The following PLCG2 variants were observed in gnomAD, a reference collection of about 807,000 sequenced individuals.
PLCG2 encodes 1-phosphatidylinositol 4,5-bisphosphate phosphodiesterase gamma-2.
A neutral mutation model predicts 175.6 loss-of-function variants in PLCG2; 69 were observed. That is an observed-to-expected ratio of 0.39 (90% CI 0.32 to 0.48). The LOEUF (loss-of-function observed/expected upper bound fraction) is 0.48, where lower values mean the gene tolerates loss of function less well. Ranked by LOEUF, PLCG2 falls within the 20% of genes least tolerant of loss-of-function variation. The probability of loss-of-function intolerance (pLI) is 0.91; values close to 1 mark genes in which losing one functional copy is unlikely to be tolerated. For synonymous variants in PLCG2, 827 were observed against 624.0 expected (o/e 1.33, Z -4.85); for missense variants, 1,798 against 1,650.9 (o/e 1.09, Z -1.54).
In PLCG2 at chr16:81,908,595, A is replaced by G. The variant is rs1352939744; in HGVS notation, c.1733+4A>G. The G allele has an allele frequency of 5.6e-6, 9 of 1,604,774 alleles. No individual in the cohort carries two copies. Among genetic ancestry groups the G allele is most frequent in the Non-Finnish European group, 7.7e-6 (9 of 1,175,732 alleles). ...ATGACTACACCCTGTCCTTCTGGTA[A>G]TGCCCCCGACCCAGGGAACGCCTAC... On this transcript the variant is annotated splice_donor_region_variant and intron_variant, in intron 17 of 32. Transcript: ENST00000564138.
At chr16:81,938,743 G>A (rs1397271191) in intron 28 of PLCG2, 58 bp from the exon 29 acceptor site, 11 of 1,015,892 alleles carry the variant, frequency 1.1e-5, no homozygotes, top group African/African-American at 4.8e-5. Context: ...TGCAATCCAC[G>A]CTAGGCTGCC....
chr16:81,908,460 C>T lies in PLCG2; in HGVS notation c.1602C>T (p.His534=). Residue 534 remains histidine (H), a synonymous_variant, in exon 17 of 33, where the codon CAC becomes CAT. Coordinates refer to ENST00000564138, the MANE Select transcript of PLCG2 (RefSeq NM_002661.5). ...TACATTTTGGGGAGAAATGGTTCCA[C>T]AAGAAGGTGGAGAAGAGGACGAGTG... ...TELHFGEKWF[H]KKVEKRTSAE... 6.2e-7 allele frequency: 1 copy of T among 1,614,126 alleles called. No homozygotes were observed. The highest frequency in any genetic ancestry group is 1.7e-5 in the Admixed American group (1 of 60,014).
chr16:81,804,346 AT>A (rs1911895538), intron 2 of PLCG2, among the ~76,000 whole-genome samples: 1 of 152,162 alleles, frequency 6.6e-6, no homozygotes, highest in Admixed American at 6.5e-5. Flanking sequence ...CCTTCTAAAC[AT>A]TGGCTTTCTG....
intron 14 of PLCG2, 74 bp downstream of exon 14, chr16:81,900,854 C>G: frequency 1.0e-5 from 14 of 1,399,356 alleles, no homozygotes; most frequent in Non-Finnish European, 1.4e-5. Context: ...GGGTCCCGTT[C>G]ACCAAGTTCT....
At chr16:81,892,365 C>T (rs12598613) in intron 11 of PLCG2, among the ~76,000 whole-genome samples, 26,474 of 152,090 alleles carry the variant, frequency 0.17, 2,397 homozygotes, top group South Asian at 0.26. Context: ...CAGGATGTTG[C>T]GCTGATGTTC....
intron 17 of PLCG2, among the ~76,000 whole-genome samples, chr16:81,909,480 C>T (rs995811035): frequency 6.6e-6 from 1 of 152,184 alleles, no homozygotes; most frequent in African/African-American, 2.4e-5. Flanking sequence ...TACAATGGAG[C>T]AGTCTCAGTC....
In PLCG2 at chr16:81,933,747, C is replaced by G. The variant is rs182573549; in HGVS notation, c.2740-682C>G. ...CCCCCCAAACAGTCACCATTATTAT[C>G]TAAATATTCTCTCAAGGTCCCCCCT... On this transcript the variant is annotated intron_variant, in intron 25 of 32. Coordinates refer to ENST00000564138, the MANE Select transcript of PLCG2 (RefSeq NM_002661.5). Among the ~76,000 whole-genome samples the G allele has an allele frequency of 1.3e-3, 203 of 152,318 alleles. 1 individual carries two copies. The highest frequency in any genetic ancestry group is 1.7e-3 in the African/African-American group (70 of 41,580).
intron 2 of PLCG2, among the ~76,000 whole-genome samples, chr16:81,834,051 C>A (rs970318769): frequency 6.6e-6 from 1 of 152,178 alleles, no homozygotes; most frequent in Non-Finnish European, 1.5e-5. Context: ...GGTAACTGGA[C>A]TTACCTTGTC....
chr16:81,935,378 C>T (rs146612110), intron 26 of PLCG2, among the ~76,000 whole-genome samples: 2 of 152,098 alleles, frequency 1.3e-5, no homozygotes, highest in East Asian at 3.9e-4. Flanking sequence ...TATAAAGTGA[C>T]ATGCACAGGC....
At chr16:81,928,317 G>C (rs1014654662) in intron 23 of PLCG2, among the ~76,000 whole-genome samples, 27 of 152,202 alleles carry the variant, frequency 1.8e-4, no homozygotes, top group African/African-American at 6.3e-4. Flanking sequence ...GAATTCACAA[G>C]GCACGTTTTT....
At chr16:81,827,057 C>G (rs919901906) in intron 2 of PLCG2, among the ~76,000 whole-genome samples, 17 of 152,168 alleles carry the variant, frequency 1.1e-4, no homozygotes, top group African/African-American at 3.9e-4. Context: ...ATTCCTAAGC[C>G]CCATGATTGT....
chr16:81,935,803 C>A (rs776152056), intron 26 of PLCG2: 2 of 985,302 alleles, frequency 2.0e-6, no homozygotes, highest in African/African-American at 1.7e-5. Context: ...TGTGGTCTCT[C>A]TGGATCTTCC....
At chr16:81,915,164 G>A (rs1419276360) in intron 19 of PLCG2, among the ~76,000 whole-genome samples, 2 of 152,196 alleles carry the variant, frequency 1.3e-5, no homozygotes, top group Non-Finnish European at 2.9e-5. Flanking sequence ...GTCAGGCAGG[G>A]TGGTGGAGGG....
Position 81,826,452 on chromosome 16 carries a change from T to C in PLCG2, c.194-27992T>C, listed in dbSNP as rs540291375. On this transcript the variant is annotated intron_variant, in intron 2 of 32. Transcript: ENST00000564138. ...CAGTGTGACCTTGAGGTCAAAGTGCTCGACCTCGTGTGCCTCAGTCTCCTC... is the reference window on the plus strand; with the variant it reads ...CAGTGTGACCTTGAGGTCAAAGTGCCCGACCTCGTGTGCCTCAGTCTCCTC... Among the ~76,000 whole-genome samples, 8 of 152,330 alleles carry C rather than the reference T, an allele frequency of 5.3e-5. No individual in the cohort carries two copies. In the South Asian group the frequency reaches 1.7e-3, roughly 32 times the overall value.
chr16:81,823,665 A>G (rs1268944095), intron 2 of PLCG2, among the ~76,000 whole-genome samples: 1 of 151,128 alleles, frequency 6.6e-6, no homozygotes, highest in Non-Finnish European at 1.5e-5. Context: ...AGCTGAGACT[A>G]CAGATGTGCA....
intron 7 of PLCG2, among the ~76,000 whole-genome samples, chr16:81,874,449 A>G (rs978893820): frequency 1.3e-5 from 2 of 152,242 alleles, no homozygotes; most frequent in African/African-American, 4.8e-5. Flanking sequence ...CAAGCTATGT[A>G]GATGGCTTCT....
intron 2 of PLCG2, among the ~76,000 whole-genome samples, chr16:81,806,314 C>A (rs140145309): frequency 4.3e-4 from 65 of 152,150 alleles, no homozygotes; most frequent in Non-Finnish European, 7.5e-4. Flanking sequence ...GTACTATGAT[C>A]ATCATAGTGG....
intron 2 of PLCG2, among the ~76,000 whole-genome samples, chr16:81,832,405 T>C (rs989757243): frequency 3.3e-5 from 5 of 152,220 alleles, no homozygotes; most frequent in Non-Finnish European, 7.3e-5. Context: ...CCTGCCTTTT[T>C]TTGAGACACG....
Position 81,956,809 on chromosome 16 carries a change from G to A in PLCG2, c.3685G>A (p.Asp1229Asn). The stretch of plus-strand genomic sequence containing the variant: ...CCAGAACTTGCGCAATGCCAACCGG[G>A]ATGCCCTGGTTAAAGAGTTCAGTGT... ...THQNLRNANR[D>N]ALVKEFSVNE... The change falls in exon 32 of 33, where the codon GAT (aspartate) becomes AAT (asparagine). Residue 1229 changes from aspartate to asparagine, a missense_variant. Transcript: ENST00000564138. 1.2e-6 allele frequency: 2 copies of A among 1,614,188 alleles called. No individual in the cohort carries two copies. Among genetic ancestry groups the A allele is most frequent in the Non-Finnish European group, 1.7e-6 (2 of 1,180,038 alleles).
Sources: gnomAD v4.1 joint callset for allele counts (sites outside exome capture counted in the v4.1 genomes callset) on GRCh38, gnomAD v4.1.1 for gene constraint, MANE v1.5 for transcripts, NCBI Gene and HGNC (gene_info 2026-07-23, HGNC 2026-07-21) for gene names.